Variants in TSPAN5 observed in about 807,000 individuals in gnomAD.
The protein encoded by TSPAN5 is tetraspanin 5, also known as tetraspanin-5.
In TSPAN5, 10 loss-of-function variants were observed where a neutral mutation model predicts 37.1. The ratio of observed to expected loss-of-function variants is 0.27; its 90% CI spans 0.17 to 0.46. The LOEUF (loss-of-function observed/expected upper bound fraction) is 0.46, where lower values mean the gene tolerates loss of function less well. TSPAN5 is among the 20% of genes least tolerant of loss of function. TSPAN5 has a pLI of 1.00. For synonymous variants in TSPAN5, 110 were observed against 118.9 expected (o/e 0.93, Z 0.48); for missense variants, 195 against 326.6 (o/e 0.60, Z 3.11).
chr4:98,476,568 G>A (rs1752702331), intron 5 of TSPAN5, 108 bp from the exon 6 acceptor site: 3 of 1,005,224 alleles, frequency 3.0e-6, no homozygotes, highest in South Asian at 2.8e-5. Context: ...ATGTGTATCT[G>A]GGCACAAAGA....
intron 2 of TSPAN5, among the ~76,000 whole-genome samples, chr4:98,494,375 T>G (rs1282985531): frequency 2.0e-5 from 3 of 151,736 alleles, no homozygotes; most frequent in Non-Finnish European, 1.5e-5. Flanking sequence ...AGACAGACAC[T>G]AATACAGACT....
chr4:98,530,048 T>A (rs1431033680), intron 1 of TSPAN5, among the ~76,000 whole-genome samples: 2 of 152,204 alleles, frequency 1.3e-5, no homozygotes, highest in Non-Finnish European at 2.9e-5. Flanking sequence ...ATGTAGGTGT[T>A]GTATCTTGGA....
rs1405280681 is a variant in TSPAN5, at chr4:98,482,178, A to G, written c.280-3T>C. Reference sequence around the variant, plus strand: ...ATAATTCCCAGGAACACAGAAAACTAAGATAAAAGACACATACACAGAGAA... The same window carrying G: ...ATAATTCCCAGGAACACAGAAAACTGAGATAAAAGACACATACACAGAGAA... On this transcript the variant is annotated splice_polypyrimidine_tract_variant and splice_region_variant and intron_variant, in intron 3 of 7. Transcript: ENST00000305798. 1.9e-6 allele frequency: 3 copies of G among 1,613,448 alleles called. No homozygotes were observed. The South Asian group carries it at 3.3e-5, about 18-fold the overall frequency.
chr4:98,651,610 G>C (rs760829662), intron 1 of TSPAN5, among the ~76,000 whole-genome samples: 15 of 152,132 alleles, frequency 9.9e-5, no homozygotes, highest in Admixed American at 7.9e-4. Context: ...TATACTACTT[G>C]CAATTTTCCT....
At chr4:98,497,066 C>T (rs1462741690) in intron 2 of TSPAN5, among the ~76,000 whole-genome samples, 1 of 152,088 alleles carries the variant, frequency 6.6e-6, no homozygotes, top group African/African-American at 2.4e-5. Flanking sequence ...GTGGCTCACA[C>T]CTGTAATCCC....
intron 1 of TSPAN5, among the ~76,000 whole-genome samples, chr4:98,638,891 T>C (rs905107733): frequency 3.3e-5 from 5 of 152,218 alleles, no homozygotes; most frequent in African/African-American, 1.2e-4. Flanking sequence ...GGGGCCCAGA[T>C]GGCAGCTGCA....
intron 2 of TSPAN5, 113 bp downstream of exon 2, chr4:98,507,565 T>A: frequency 1.4e-6 from 1 of 697,310 alleles, no homozygotes; most frequent in Middle Eastern, 2.6e-4. Flanking sequence ...TTTTTCTTGT[T>A]AAAGAGCCAT....
At chr4:98,546,325 AC>A (rs1430735676) in intron 1 of TSPAN5, among the ~76,000 whole-genome samples, 2 of 152,180 alleles carry the variant, frequency 1.3e-5, no homozygotes, top group Non-Finnish European at 2.9e-5. Flanking sequence ...AGGTTCAGCC[AC>A]TACACGGTGC....
chr4:98,550,530 A>G (rs1418062937), intron 1 of TSPAN5, among the ~76,000 whole-genome samples: 4 of 148,192 alleles, frequency 2.7e-5, no homozygotes, highest in Non-Finnish European at 6.0e-5. Context: ...ATATTTTTCC[A>G]TTTGTCTGTG....
intron 1 of TSPAN5, among the ~76,000 whole-genome samples, chr4:98,520,660 C>CA (rs1753833727): frequency 6.6e-6 from 1 of 152,192 alleles, no homozygotes; most frequent in South Asian, 2.1e-4. Context: ...GGTAATAACA[C>CA]CTGCTGCAAT....
chr4:98,612,007 A>T (rs1341105620), intron 1 of TSPAN5, among the ~76,000 whole-genome samples: 1 of 152,246 alleles, frequency 6.6e-6, no homozygotes, highest in Admixed American at 6.5e-5. Flanking sequence ...TTTACAATGC[A>T]CATGGCATTG....
intron 5 of TSPAN5, among the ~76,000 whole-genome samples, chr4:98,477,876 T>G (rs1409819109): frequency 6.6e-6 from 1 of 151,782 alleles, no homozygotes; most frequent in Admixed American, 6.6e-5. Flanking sequence ...CTCAGGCTGG[T>G]CTTTAACTCC....
intron 1 of TSPAN5, among the ~76,000 whole-genome samples, chr4:98,641,196 T>C (rs991694110): frequency 6.6e-6 from 1 of 152,176 alleles, no homozygotes; most frequent in African/African-American, 2.4e-5. Context: ...CTCATCAGTA[T>C]AAAACAATAA....
At chr4:98,504,934 C>A (rs1023166701) in intron 2 of TSPAN5, among the ~76,000 whole-genome samples, 11 of 152,086 alleles carry the variant, frequency 7.2e-5, no homozygotes, top group Admixed American at 6.5e-4. Flanking sequence ...ATGATCAAGG[C>A]GCCAAGATTT....
intron 1 of TSPAN5, among the ~76,000 whole-genome samples, chr4:98,549,760 T>G (rs1055463241): frequency 6.6e-6 from 1 of 152,140 alleles, no homozygotes; most frequent in African/African-American, 2.4e-5. Context: ...TTAAGTTGTT[T>G]GAGTTTCTTG....
At chr4:98,640,867 G>A (rs1230979492) in intron 1 of TSPAN5, among the ~76,000 whole-genome samples, 1 of 152,238 alleles carries the variant, frequency 6.6e-6, no homozygotes, top group East Asian at 1.9e-4. Context: ...CAATTATCAC[G>A]TCAGCATTCA....
intron 1 of TSPAN5, among the ~76,000 whole-genome samples, chr4:98,651,671 G>C (rs1757187723): frequency 6.6e-6 from 1 of 152,076 alleles, no homozygotes; most frequent in Non-Finnish European, 1.5e-5. Context: ...TAAATTAGGA[G>C]GATGGAAATG....
At chr4:98,558,560 C>T (rs1007341806) in intron 1 of TSPAN5, among the ~76,000 whole-genome samples, 1 of 152,172 alleles carries the variant, frequency 6.6e-6, no homozygotes, top group Non-Finnish European at 1.5e-5. Flanking sequence ...ATTGGTTTGC[C>T]AATCGATGGG....
chr4:98,623,284 ATTG>A (rs1473600296), intron 1 of TSPAN5, among the ~76,000 whole-genome samples: 2 of 152,214 alleles, frequency 1.3e-5, no homozygotes, highest in African/African-American at 4.8e-5. Flanking sequence ...ACAAGTTTCT[ATTG>A]TTTCATCAAA....
Sources: gnomAD v4.1 joint callset for allele counts (sites outside exome capture counted in the v4.1 genomes callset) on GRCh38, gnomAD v4.1.1 for gene constraint, MANE v1.5 for transcripts, NCBI Gene and HGNC (gene_info 2026-07-23, HGNC 2026-07-21) for gene names.